EMC2: variants seen among roughly 807,000 people sequenced by gnomAD.
EMC2 encodes the protein ER membrane protein complex subunit 2, also known as TPR repeat protein 35.
A neutral mutation model predicts 51.6 loss-of-function variants in EMC2; 37 were observed. That is an observed-to-expected ratio of 0.72 (90% CI 0.55 to 0.94). EMC2 has a LOEUF of 0.94. EMC2 is among the 40% of genes least tolerant of loss of function. EMC2 has a pLI of 0.00. For synonymous variants in EMC2, 131 were observed against 112.4 expected, an observed-to-expected ratio of 1.17 and a Z score of -1.04; for missense variants, 359 against 350.9, an observed-to-expected ratio of 1.02 and a Z score of -0.18.
At chr8:108,452,724 C>T (rs184880495) in intron 3 of EMC2, among the ~76,000 whole-genome samples, 6 of 152,238 alleles carry the variant, frequency 3.9e-5, no homozygotes, top group Non-Finnish European at 7.4e-5. Context: ...AAACGCCAGG[C>T]GCTGTTGTCA....
chr8:108,457,208 G>A (rs1483085801), intron 5 of EMC2, among the ~76,000 whole-genome samples: 2 of 152,116 alleles, frequency 1.3e-5, no homozygotes, highest in Non-Finnish European at 2.9e-5. Context: ...TTTCTTAAAT[G>A]ATAGTTGCTT....
At chr8:108,460,327 AT>A (rs1196451278) in intron 5 of EMC2, among the ~76,000 whole-genome samples, 1 of 152,206 alleles carries the variant, frequency 6.6e-6, no homozygotes, top group African/African-American at 2.4e-5. Flanking sequence ...TATCTTTCAT[AT>A]TTTATGGCTT....
chr8:108,444,249 CCTT>C (rs768516075), intron 1 of EMC2, among the ~76,000 whole-genome samples: 5 of 152,192 alleles, frequency 3.3e-5, no homozygotes, highest in East Asian at 1.9e-4. Flanking sequence ...CTGTCCCACT[CCTT>C]CTCAAAACAC....
chr8:108,455,744 G>T, intron 4 of EMC2, 129 bp from the exon 5 acceptor site: 2 of 400,618 alleles, frequency 5.0e-6, no homozygotes, highest in Non-Finnish European at 4.6e-6. Context: ...GATTATAAAT[G>T]CATTTAAAGC....
At chr8:108,446,291 C>T (rs1044533724) in intron 1 of EMC2, 2 of 430,176 alleles carry the variant, frequency 4.6e-6, no homozygotes, top group African/African-American at 2.0e-5. Flanking sequence ...CACTATACTG[C>T]CTCAAAGAAG....
At chr8:108,462,985 A>G (rs1031300629) in intron 5 of EMC2, among the ~76,000 whole-genome samples, 1 of 152,132 alleles carries the variant, frequency 6.6e-6, no homozygotes, top group Non-Finnish European at 1.5e-5. Context: ...CATCTGATAA[A>G]GAGAGGGCAA....
intron 1 of EMC2, among the ~76,000 whole-genome samples, chr8:108,448,727 C>T (rs1241396475): frequency 6.6e-6 from 1 of 152,204 alleles, no homozygotes; most frequent in Non-Finnish European, 1.5e-5. Context: ...CGGACTAATA[C>T]AACCAGTTTC....
chr8:108,449,001 T>G (rs1818948894), intron 1 of EMC2, among the ~76,000 whole-genome samples: 1 of 152,158 alleles, frequency 6.6e-6, no homozygotes, highest in African/African-American at 2.4e-5. Flanking sequence ...AGAAACTCAC[T>G]CTTCTTACTT....
Position 108,476,835 on chromosome 8 carries a change from T to G in EMC2, c.645T>G (p.Phe215Leu), listed in dbSNP as rs1264992500. ...LENLELSRKY[F>L]AQALKLNNRN... ...ACCTCGAACTTTCAAGAAAGTATTTTGCACAGGCATTGAAACTGAACAACA... is the reference window on the plus strand; with the variant it reads ...ACCTCGAACTTTCAAGAAAGTATTTGGCACAGGCATTGAAACTGAACAACA... Residue 215 changes from phenylalanine (F) to leucine (L), a missense_variant, in exon 9 of 11, where the codon TTT (phenylalanine) becomes TTG (leucine). Coordinates refer to ENST00000220853, the MANE Select transcript of EMC2 (RefSeq NM_014673.5). 1 of 1,608,308 alleles carries G rather than the reference T, an allele frequency of 6.2e-7. No individual in the cohort carries two copies. Among genetic ancestry groups the G allele is most frequent in the East Asian group, 2.2e-5 (1 of 44,702 alleles).
intron 2 of EMC2, 122 bp downstream of exon 2, chr8:108,450,058 T>G: frequency 1.9e-6 from 1 of 540,144 alleles, no homozygotes; most frequent in East Asian, 3.1e-5. Context: ...TGTGACTTTT[T>G]GTCCCAAGAA....
chr8:108,457,115 A>G (rs1002540477), intron 5 of EMC2, among the ~76,000 whole-genome samples: 6 of 152,202 alleles, frequency 3.9e-5, no homozygotes, highest in African/African-American at 1.4e-4. Context: ...CATTTATCTC[A>G]GGCACTGATC....
At chr8:108,457,323 TGTGTGTGC>T (rs1352629135) in intron 5 of EMC2, among the ~76,000 whole-genome samples, 25 of 86,068 alleles carry the variant, frequency 2.9e-4, no homozygotes, top group Non-Finnish European at 5.7e-4. Context: ...GGGATGTGCG[TGTGTGTGC>T]GTGTGTGTGT....
At position 108,443,627 on chromosome 8, in the gene EMC2, C is replaced by T. The variant is rs200820804; in HGVS notation, c.-32C>T. 168 of 1,597,728 alleles carry T rather than the reference C, an allele frequency of 1.1e-4. No individual in the cohort carries two copies. In the African/African-American group the frequency reaches 1.4e-3, roughly 13 times the overall value. ...GGTCACGTGACTGCGTCTCCCCGCC[C>T]TCTCACCCCGCTGCCTCTAGGTTCT... is the stretch of plus-strand genomic sequence containing the variant. On this transcript the variant is annotated 5_prime_UTR_variant, in exon 1 of 11. Coordinates refer to ENST00000220853, the MANE Select transcript of EMC2 (RefSeq NM_014673.5).
chr8:108,459,721 A>AGAGAGAGAGAGTGTGTGT lies in EMC2; in HGVS notation c.363+3792_363+3793insAGAGAGAGAGTGTGTGTG, dbSNP rs763020311. On this transcript the variant is annotated intron_variant, in intron 5 of 10. Coordinates refer to ENST00000220853, the MANE Select transcript of EMC2 (RefSeq NM_014673.5). Reference sequence around the variant, plus strand: ...AGCCATGTGAGAGAGAGAGAGAGAGAGTGTGTGTGTGTGTGTGTGTGTGTG... The same window carrying AGAGAGAGAGAGTGTGTGT: ...AGCCATGTGAGAGAGAGAGAGAGAGAGAGAGAGAGAGTGTGTGTGTGTGTGTGTGTGTGTGTGTGTGTG... 3.1e-4 allele frequency among the ~76,000 whole-genome samples: 43 copies of AGAGAGAGAGAGTGTGTGT among 136,966 alleles called. 1 individual carries two copies. Among genetic ancestry groups the AGAGAGAGAGAGTGTGTGT allele is most frequent in the Middle Eastern group, 3.8e-3 (1 of 266 alleles). 89.9% of individuals were successfully genotyped at this position (136,966 alleles called of 152,430 possible).
intron 5 of EMC2, among the ~76,000 whole-genome samples, chr8:108,464,611 A>G (rs1479618890): frequency 2.0e-5 from 3 of 152,208 alleles, no homozygotes; most frequent in Non-Finnish European, 4.4e-5. Context: ...GTGCAGCCAC[A>G]GGGGGCAGAT....
Position 108,449,860 on chromosome 8 carries a change from C to G in EMC2, c.78C>G (p.Asn26Lys). The G allele has an allele frequency of 6.3e-7, 1 of 1,589,296 alleles. No individual in the cohort carries two copies. The change falls in exon 2 of 11, where the codon AAC (asparagine) becomes AAG (lysine). Residue 26 changes from asparagine (N) to lysine (K), a missense_variant. Coordinates refer to ENST00000220853, the MANE Select transcript of EMC2 (RefSeq NM_014673.5). ...AAATGAGAAAATGGAGAGAAGAAAA[C>G]TCAAGAAATAGTGAGCAAATTGTGG... is the stretch of plus-strand genomic sequence containing the variant. ...RDKMRKWREE[N>K]SRNSEQIVEV...
chr8:108,458,274 G>A lies in EMC2; in HGVS notation c.363+2344G>A, dbSNP rs138900827. Among the ~76,000 whole-genome samples the A allele has an allele frequency of 2.1e-3, 313 of 152,312 alleles. 2 individuals are homozygous for A. Among genetic ancestry groups the A allele is most frequent in the African/African-American group, 7.2e-3 (298 of 41,582 alleles). ...AGGTGCATGGTGCAAGCTGTCAGTG[G>A]TTCTACCATTCTGGGGTCTGGAGGA... On this transcript the variant is annotated intron_variant, in intron 5 of 10. Transcript: ENST00000220853.
chr8:108,463,936 C>G (rs968516663), intron 5 of EMC2: 15 of 152,518 alleles, frequency 9.8e-5, no homozygotes, highest in African/African-American at 3.6e-4. Flanking sequence ...GCACCAAACC[C>G]TCCACTAACC....
chr8:108,475,533 A>G, intron 7 of EMC2: 1 of 166,456 alleles, frequency 6.0e-6, no homozygotes, highest in Non-Finnish European at 1.3e-5. Context: ...TGATCAGTCA[A>G]CTTCCAGAAG....
Sources: gnomAD v4.1 joint callset for allele counts (sites outside exome capture counted in the v4.1 genomes callset) on GRCh38, gnomAD v4.1.1 for gene constraint, MANE v1.5 for transcripts, NCBI Gene and HGNC (gene_info 2026-07-23, HGNC 2026-07-21) for gene names.